Variants in SATB1 observed in about 807,000 individuals in gnomAD.
SATB1 encodes DNA-binding protein SATB1.
A neutral mutation model predicts 86.9 loss-of-function variants in SATB1; 11 were observed. The ratio of observed to expected loss-of-function variants is 0.13; its 90% confidence interval spans 0.08 to 0.21. SATB1 has a LOEUF of 0.21. Ranked by LOEUF, SATB1 falls within the 10% of genes least tolerant of loss-of-function variation. The pLI is 1.00. For synonymous variants in SATB1, 357 were observed against 357.2 expected (o/e 1.00, Z 0.01); for missense variants, 551 against 937.6 (o/e 0.59, Z 5.39).
chr3:18,426,531 C>T (rs1002962051), upstream of SATB1, among the ~76,000 whole-genome samples: 1 of 152,056 alleles, frequency 6.6e-6, no homozygotes, highest in Admixed American at 6.5e-5. This position sits in a 1 kb window ranked among gnomAD's most constrained non-coding sequence, Gnocchi z 4.2. Context: ...AAGTATGATC[C>T]TATTATTTAG....
intron 10 of SATB1, chr3:18,351,358 TA>T: frequency 6.4e-7 from 1 of 1,555,788 alleles, no homozygotes; most frequent in Non-Finnish European, 8.6e-7. Context: ...GCAGGCCTGG[TA>T]AGAAAACGCC....
At chr3:18,389,541 T>C (rs1016532547) in intron 7 of SATB1, among the ~76,000 whole-genome samples, 1 of 152,044 alleles carries the variant, frequency 6.6e-6, no homozygotes, top group Non-Finnish European at 1.5e-5. Flanking sequence ...TATCCTATAA[T>C]TGAAGACATA....
intron 9 of SATB1, among the ~76,000 whole-genome samples, chr3:18,373,138 G>C (rs887048576): frequency 6.6e-6 from 1 of 152,194 alleles, no homozygotes; most frequent in Non-Finnish European, 1.5e-5. Flanking sequence ...ACATGTAAAG[G>C]GGCAGTTCTC....
At chr3:18,377,315 C>T (rs900919618) in intron 9 of SATB1, among the ~76,000 whole-genome samples, 2 of 152,046 alleles carry the variant, frequency 1.3e-5, no homozygotes, top group African/African-American at 4.8e-5. Context: ...TCTAATGTCA[C>T]CTTGATAGTG....
At chr3:18,351,271 T>TC (rs1282325324) in intron 10 of SATB1, 2 of 1,493,844 alleles carry the variant, frequency 1.3e-6, no homozygotes, top group African/African-American at 2.8e-5. Context: ...GGTCACCCCC[T>TC]CTCTGTGTCC....
At chr3:18,355,825 AC>A (rs1027489825) in intron 9 of SATB1, among the ~76,000 whole-genome samples, 14 of 151,930 alleles carry the variant, frequency 9.2e-5, no homozygotes, top group Admixed American at 3.9e-4. Context: ...AAATAATGAG[AC>A]CGATCCATTC....
At chr3:18,402,926 G>C (rs1480222755) in intron 5 of SATB1, among the ~76,000 whole-genome samples, 2 of 152,048 alleles carry the variant, frequency 1.3e-5, no homozygotes, top group African/African-American at 4.8e-5. Flanking sequence ...TATTAAACTG[G>C]AAAATGTATA....
intron 5 of SATB1, among the ~76,000 whole-genome samples, chr3:18,403,071 G>T (rs1035040105): frequency 1.3e-5 from 2 of 152,082 alleles, no homozygotes; most frequent in Non-Finnish European, 2.9e-5. Context: ...ATATTCAAAA[G>T]ACATGCAGAC....
rs1694034600 is a variant in SATB1 at position 18,345,984 on chromosome 3, C to CAGAT, written c.*3182_*3185dup. ...TCAAGCCAGTATTTTTAGATAAACA[C>CAGAT]AGATATAGATATCGCTACTTTGAAA... On this transcript the variant is annotated 3_prime_UTR_variant, in exon 11 of 11. Transcript: ENST00000338745. 1 of 152,040 alleles carries CAGAT rather than the reference C, an allele frequency of 6.6e-6. No individual in the cohort carries two copies. The highest frequency in any genetic ancestry group is 2.4e-5 in the African/African-American group (1 of 41,432). 9.4% of individuals were successfully genotyped at this position (152,040 alleles called of 1,614,324 possible).
In SATB1 at chr3:18,406,336, A is replaced by C. The variant is rs545159522; in HGVS notation, c.639+8775T>G. Reference sequence around the variant, plus strand: ...GTGAACATGGGGTGATACTGTTAACATTTCCGTATTGGCAACATCAGTATC... The same window carrying C: ...GTGAACATGGGGTGATACTGTTAACCTTTCCGTATTGGCAACATCAGTATC... On this transcript the variant is annotated intron_variant, in intron 5 of 10. Coordinates refer to ENST00000338745, the MANE Select transcript of SATB1 (RefSeq NM_002971.6). Among the ~76,000 whole-genome samples, 98 of 152,130 alleles carry C rather than the reference A, an allele frequency of 6.4e-4. 1 individual carries two copies. Among genetic ancestry groups the C allele is most frequent in the African/African-American group, 2.1e-3 (88 of 41,538 alleles).
intron 2 of SATB1, among the ~76,000 whole-genome samples, chr3:18,418,347 G>A (rs187337022): frequency 5.3e-5 from 8 of 152,156 alleles, no homozygotes; most frequent in East Asian, 1.9e-4. Context: ...AACAAAAGCC[G>A]GCAATAAAAC....
rs143282738 is a variant in SATB1, at chr3:18,392,964, C to A, written c.1206+1498G>T. The stretch of plus-strand genomic sequence containing the variant: ...GTGCAACTGCCTTTTCAAAAACAGA[C>A]GAACGTACAAAAAAAAAAAAAAAGA... On this transcript the variant is annotated intron_variant, in intron 7 of 10. Transcript: ENST00000338745. 4.2e-3 allele frequency among the ~76,000 whole-genome samples: 527 copies of A among 125,618 alleles called. 5 individuals are homozygous for A. The highest frequency in any genetic ancestry group is 0.013 in the African/African-American group (460 of 34,348). 82.4% of individuals were successfully genotyped at this position (125,618 alleles called of 152,430 possible).
rs576305211 is a variant in SATB1 at position 18,423,424 on chromosome 3, C to T, written c.-25+203G>A. Among the ~76,000 whole-genome samples the T allele has an allele frequency of 2.2e-4, 33 of 152,286 alleles. No homozygotes were observed. In the East Asian group the frequency reaches 5.4e-3, roughly 25 times the overall value. ...AAGCGAGATCCTTTTCAATGAGTTT[C>T]TAGCTGGATCGCCTCCTTCGCCCCC... On this transcript the variant is annotated intron_variant, in intron 1 of 10. Coordinates refer to ENST00000338745, the MANE Select transcript of SATB1 (RefSeq NM_002971.6).
At position 18,386,446 on chromosome 3, in the gene SATB1, T is replaced by A; in HGVS notation, c.1372A>T (p.Met458Leu). Residue 458 changes from methionine (M) to leucine (L), a missense_variant, in exon 8 of 11, where the codon ATG becomes TTG. By Grantham distance (15) the Met-to-Leu change is conservative. Around this residue, in one of 8 missense-constraint regions of SATB1, gnomAD observed 110 missense variants for 212.2 expected, o/e 0.52. Coordinates refer to ENST00000338745, the MANE Select transcript of SATB1 (RefSeq NM_002971.6). This position sits in a 1 kb window ranked among gnomAD's most constrained non-coding sequence, Gnocchi z 4.5. ...GTGCTGATGAGGGGGGCAGGACCCATGGCCGAGGCAGCATTCAAGCTCCTT... is the reference window on the plus strand; with the variant it reads ...GTGCTGATGAGGGGGGCAGGACCCAAGGCCGAGGCAGCATTCAAGCTCCTT... ...RERSLNAASA[M>L]GPAPLISTPP... 1 of 1,614,110 alleles carries A rather than the reference T, an allele frequency of 6.2e-7. No homozygotes were observed. Among genetic ancestry groups the A allele is most frequent in the South Asian group, 1.1e-5 (1 of 91,082 alleles).
chr3:18,369,925 G>C (rs1486784924), intron 9 of SATB1, among the ~76,000 whole-genome samples: 1 of 152,216 alleles, frequency 6.6e-6, no homozygotes, highest in Non-Finnish European at 1.5e-5. Flanking sequence ...GGTTGTGCAG[G>C]TGTGACCTTG....
intron 1 of SATB1, chr3:18,445,429 C>T: frequency 1.0e-6 from 1 of 985,338 alleles, no homozygotes; most frequent in Non-Finnish European, 1.2e-6. Flanking sequence ...AGACAGGACC[C>T]TCAGCCTCGA....
chr3:18,375,985 T>G (rs551301354), intron 9 of SATB1, among the ~76,000 whole-genome samples: 1 of 152,190 alleles, frequency 6.6e-6, no homozygotes, highest in Non-Finnish European at 1.5e-5. Flanking sequence ...CTTTGGGGCT[T>G]TGGGAAACAC....
chr3:18,350,920 A>C (rs1360528561), intron 10 of SATB1: 2 of 277,476 alleles, frequency 7.2e-6, no homozygotes, highest in African/African-American at 4.5e-5. Context: ...TAGGTGACTC[A>C]ACAGAGGTAG....
Position 18,394,849 on chromosome 3 carries a change from T to C in SATB1, c.819A>G (p.Pro273=). The C allele has an allele frequency of 6.2e-7, 1 of 1,613,600 alleles. No individual in the cohort carries two copies. Among genetic ancestry groups the C allele is most frequent in the Non-Finnish European group, 8.5e-7 (1 of 1,179,728 alleles). Residue 273 remains proline (P), a synonymous_variant, in exon 7 of 11, where the codon CCA becomes CCG. Transcript: ENST00000338745. The surrounding 1 kb of genome is among the most constrained non-coding windows in gnomAD (Gnocchi z 5.9). ...GCTGCTCGGCTGTGTTCCCTGGAAC[T>C]GGTTGCTGGCCAAAATTGACATGAT... ...GANHVNFGQQ[P]VPGNTAEQPP... is the part of the protein sequence containing the mutation.
Sources: allele counts gnomAD v4.1 joint callset (sites outside exome capture counted in the v4.1 genomes callset), GRCh38; gene constraint gnomAD v4.1.1; regional missense constraint gnomAD v4.1.1; non-coding constraint Gnocchi (gnomAD v3.1); transcripts MANE v1.5; gene names NCBI Gene and HGNC (gene_info 2026-07-23, HGNC 2026-07-21).